The following ELMO1 variants were observed in gnomAD, a reference collection of about 807,000 sequenced individuals.
ELMO1 encodes the protein engulfment and cell motility protein 1.
Under a neutral mutation model 98.9 loss-of-function variants are expected in ELMO1, and 26 were observed. The observed-to-expected ratio is 0.26, with a 90% confidence interval of 0.19 to 0.36. The LOEUF (loss-of-function observed/expected upper bound fraction) is 0.36, where lower values mean the gene tolerates loss of function less well. Ranked by LOEUF, ELMO1 falls within the 10% of genes least tolerant of loss-of-function variation. The pLI is 1.00. For missense variants in ELMO1, 627 were observed against 935.2 expected (o/e 0.67, Z 4.30); for synonymous variants, 346 against 346.0 (o/e 1.00, Z 0.00).
At chr7:37,014,079 A>C (rs1584515618) in intron 15 of ELMO1, among the ~76,000 whole-genome samples, 3 of 152,232 alleles carry the variant, frequency 2.0e-5, no homozygotes, top group South Asian at 4.1e-4. Flanking sequence ...CAAAATCATA[A>C]AATCAGCCAA....
intron 15 of ELMO1, among the ~76,000 whole-genome samples, chr7:37,081,992 G>A (rs544333379): frequency 2.6e-5 from 4 of 152,302 alleles, no homozygotes; most frequent in Non-Finnish European, 5.9e-5. Context: ...CTGGTAAAAA[G>A]CAATTTCTCA....
chr7:37,436,076 C>A (rs928568616), intron 1 of ELMO1, among the ~76,000 whole-genome samples: 1 of 152,188 alleles, frequency 6.6e-6, no homozygotes, highest in Admixed American at 6.5e-5. Context: ...TTCCCTGACA[C>A]CTGAATTCCC....
intron 15 of ELMO1, among the ~76,000 whole-genome samples, chr7:37,085,115 G>T (rs1265517632): frequency 2.0e-5 from 3 of 152,074 alleles, no homozygotes; most frequent in Non-Finnish European, 4.4e-5. Flanking sequence ...AGACCTGATT[G>T]GCATCCACCT....
intron 1 of ELMO1, among the ~76,000 whole-genome samples, chr7:37,413,205 A>G (rs1427346320): frequency 6.6e-6 from 1 of 151,942 alleles, no homozygotes; most frequent in African/African-American, 2.4e-5. Flanking sequence ...CTCTGTCTGA[A>G]ATCCTCCCTC....
At chr7:36,879,774 A>G (rs1209335573) in intron 18 of ELMO1, among the ~76,000 whole-genome samples, 1 of 152,256 alleles carries the variant, frequency 6.6e-6, no homozygotes, top group Non-Finnish European at 1.5e-5. Flanking sequence ...AGCTAGGAAA[A>G]TATTTGAAAT....
intron 4 of ELMO1, among the ~76,000 whole-genome samples, chr7:37,272,890 T>C (rs1439575137): frequency 6.6e-6 from 1 of 152,212 alleles, no homozygotes; most frequent in Non-Finnish European, 1.5e-5. Flanking sequence ...TGGGAATGAC[T>C]GCTCCATGGG....
At chr7:36,884,174 T>C (rs1306546873) in intron 18 of ELMO1, among the ~76,000 whole-genome samples, 1 of 151,898 alleles carries the variant, frequency 6.6e-6, no homozygotes, top group Admixed American at 6.6e-5. Context: ...TACAAAAAAA[T>C]TACCCGGGCA....
At chr7:37,056,846 T>C (rs1487228408) in intron 15 of ELMO1, among the ~76,000 whole-genome samples, 2 of 152,176 alleles carry the variant, frequency 1.3e-5, no homozygotes, top group Non-Finnish European at 1.5e-5. Flanking sequence ...TCTGATTTGG[T>C]CCACTTTCAG....
At chr7:37,338,836 A>C (rs988076531) in intron 2 of ELMO1, among the ~76,000 whole-genome samples, 1 of 152,124 alleles carries the variant, frequency 6.6e-6, no homozygotes, top group African/African-American at 2.4e-5. Context: ...TTCTTTTGAG[A>C]CCTTCCTGTG....
chr7:37,085,432 A>C (rs1238607790), intron 15 of ELMO1, among the ~76,000 whole-genome samples: 1 of 152,072 alleles, frequency 6.6e-6, no homozygotes, highest in Non-Finnish European at 1.5e-5. Context: ...GCAGTTTGAC[A>C]TCCTGATTTC....
At chr7:37,099,007 C>G (rs1584640743) in intron 14 of ELMO1, among the ~76,000 whole-genome samples, 1 of 152,212 alleles carries the variant, frequency 6.6e-6, no homozygotes, top group Non-Finnish European at 1.5e-5. Flanking sequence ...TCTGCATACA[C>G]TGTAGGTAGA....
intron 15 of ELMO1, among the ~76,000 whole-genome samples, chr7:37,069,885 T>A (rs1418970093): frequency 1.3e-5 from 2 of 152,190 alleles, no homozygotes; most frequent in African/African-American, 2.4e-5. Context: ...ATTTCACCCT[T>A]TTTAACTTTG....
chr7:36,885,411 C>G (rs1349382100), intron 18 of ELMO1, among the ~76,000 whole-genome samples: 1 of 152,108 alleles, frequency 6.6e-6, no homozygotes, highest in African/African-American at 2.4e-5. Flanking sequence ...ACAACCTACC[C>G]ACTTCAACCT....
intron 16 of ELMO1, among the ~76,000 whole-genome samples, chr7:36,962,999 G>A (rs888516967): frequency 3.9e-5 from 6 of 152,152 alleles, no homozygotes; most frequent in Admixed American, 2.6e-4. Context: ...TTCTAATAGC[G>A]TACAACTGAG....
intron 16 of ELMO1, among the ~76,000 whole-genome samples, chr7:36,992,342 G>T (rs987392067): frequency 6.6e-6 from 1 of 152,194 alleles, no homozygotes; most frequent in Non-Finnish European, 1.5e-5. Flanking sequence ...AGAAGAGCAT[G>T]GGCCTGAAGA....
chr7:37,329,762 G>C (rs1450155844), intron 2 of ELMO1, among the ~76,000 whole-genome samples: 2 of 152,076 alleles, frequency 1.3e-5, no homozygotes, highest in African/African-American at 4.8e-5. Flanking sequence ...ACTACCCTTA[G>C]CACTTTACTC....
chr7:37,404,598 A>C (rs1803675897), intron 1 of ELMO1, among the ~76,000 whole-genome samples: 1 of 152,224 alleles, frequency 6.6e-6, no homozygotes, highest in Non-Finnish European at 1.5e-5. Context: ...CCTATAACCA[A>C]GACACTGTTT....
At chr7:37,045,317 G>A (rs1218152291) in intron 15 of ELMO1, among the ~76,000 whole-genome samples, 2 of 152,128 alleles carry the variant, frequency 1.3e-5, no homozygotes, top group African/African-American at 4.8e-5. Context: ...ATGATGCAGG[G>A]GACATGGGAA....
At chr7:36,994,040 A>G (rs1792040334) in intron 16 of ELMO1, among the ~76,000 whole-genome samples, 2 of 152,232 alleles carry the variant, frequency 1.3e-5, no homozygotes, top group African/African-American at 2.4e-5. Context: ...GTGGGAAGTG[A>G]GGAGTTGGTG....
Sources: gnomAD v4.1 joint callset for allele counts (sites outside exome capture counted in the v4.1 genomes callset) on GRCh38, gnomAD v4.1.1 for gene constraint, MANE v1.5 for transcripts, NCBI Gene and HGNC (gene_info 2026-07-23, HGNC 2026-07-21) for gene names.